The following ARHGAP17 variants were observed in gnomAD, a reference collection of about 807,000 sequenced individuals.
ARHGAP17 encodes the protein rho GTPase-activating protein 17.
Under a neutral mutation model 99.5 loss-of-function variants are expected in ARHGAP17, and 57 were observed. The observed-to-expected ratio is 0.57, with a 90% CI of 0.46 to 0.71. The LOEUF (loss-of-function observed/expected upper bound fraction) is 0.71, where lower values mean the gene tolerates loss of function less well. Ranked by LOEUF, ARHGAP17 falls within the 30% of genes least tolerant of loss-of-function variation. The probability of loss-of-function intolerance (pLI) is 0.00; values close to 1 mark genes in which losing one functional copy is unlikely to be tolerated. For missense variants in ARHGAP17, 1,000 were observed against 1,122.4 expected (o/e 0.89, Z 1.56); for synonymous variants, 417 against 429.6 (o/e 0.97, Z 0.36).
intron 4 of ARHGAP17, 34 bp from the exon 5 acceptor site, chr16:24,968,806 G>C: frequency 1.9e-6 from 3 of 1,603,154 alleles, no homozygotes; most frequent in South Asian, 2.2e-5. Flanking sequence ...ACGAGCACGT[G>C]CTCATTAAAT....
At chr16:24,977,564 C>T in intron 2 of ARHGAP17, 1 of 231,922 alleles carries the variant, frequency 4.3e-6, no homozygotes, top group Non-Finnish European at 6.8e-6. Context: ...TGGAAAAAAC[C>T]AGAGATGCCA....
intron 17 of ARHGAP17, among the ~76,000 whole-genome samples, chr16:24,937,810 ATC>A (rs1431479144): frequency 3.3e-5 from 5 of 152,348 alleles, no homozygotes; most frequent in African/African-American, 1.2e-4. Flanking sequence ...AGGCAAATTC[ATC>A]TCTCTGTGTG....
intron 2 of ARHGAP17, 56 bp from the exon 3 acceptor site, chr16:24,977,375 G>T: frequency 1.4e-6 from 2 of 1,416,626 alleles, no homozygotes; most frequent in Non-Finnish European, 1.9e-6. Context: ...TGTGGTGTCT[G>T]CATGCTGGTA....
intron 1 of ARHGAP17, among the ~76,000 whole-genome samples, chr16:24,984,901 A>G (rs571806054): frequency 1.4e-4 from 21 of 152,190 alleles, no homozygotes; most frequent in Non-Finnish European, 2.6e-4. Context: ...AATAAAAAAA[A>G]AATGTCTGTA....
chr16:25,014,616 G>C (rs1409109119), intron 1 of ARHGAP17, among the ~76,000 whole-genome samples: 1 of 152,182 alleles, frequency 6.6e-6, no homozygotes, highest in Non-Finnish European at 1.5e-5. Context: ...CAGTTCCTAG[G>C]AGCCCTGGTT....
intron 15 of ARHGAP17, 49 bp downstream of exon 15, chr16:24,943,722 A>G (rs768147143): frequency 7.2e-6 from 11 of 1,520,538 alleles, no homozygotes; most frequent in Admixed American, 6.8e-5. Flanking sequence ...GACTTTTTGT[A>G]CGATTATCAC....
At chr16:24,925,583 T>C (rs2050818603) in intron 19 of ARHGAP17, among the ~76,000 whole-genome samples, 1 of 152,180 alleles carries the variant, frequency 6.6e-6, no homozygotes, top group Non-Finnish European at 1.5e-5. Flanking sequence ...ACAATTCTGA[T>C]TATCTACTTA....
chr16:24,997,543 T>G (rs1367588131), intron 1 of ARHGAP17, among the ~76,000 whole-genome samples: 1 of 152,058 alleles, frequency 6.6e-6, no homozygotes, highest in Admixed American at 6.6e-5. Context: ...TGCTGCCGGG[T>G]AGGGAAGCCA....
At chr16:24,988,836 A>G (rs1408694550) in intron 1 of ARHGAP17, among the ~76,000 whole-genome samples, 1 of 152,124 alleles carries the variant, frequency 6.6e-6, no homozygotes, top group Non-Finnish European at 1.5e-5. Flanking sequence ...TTCTGCCACC[A>G]ACCACCTCAA....
chr16:24,999,040 C>T (rs562547174), intron 1 of ARHGAP17, among the ~76,000 whole-genome samples: 27 of 152,352 alleles, frequency 1.8e-4, no homozygotes, highest in Admixed American at 5.2e-4. Context: ...CCACCGCCAT[C>T]ACAGGACACA....
At chr16:24,965,823 A>G (rs2052162767) in intron 6 of ARHGAP17, among the ~76,000 whole-genome samples, 1 of 152,242 alleles carries the variant, frequency 6.6e-6, no homozygotes, top group African/African-American at 2.4e-5. Context: ...GAAAAGCGAG[A>G]AAAATATGTG....
intron 14 of ARHGAP17, among the ~76,000 whole-genome samples, chr16:24,945,361 G>A (rs1324713329): frequency 6.7e-6 from 1 of 149,010 alleles, no homozygotes; most frequent in African/African-American, 2.6e-5. Flanking sequence ...AGAAGAAGAA[G>A]AAAAAAGTAA....
chr16:24,930,528 G>C (rs556817253), intron 19 of ARHGAP17, among the ~76,000 whole-genome samples: 2 of 152,166 alleles, frequency 1.3e-5, no homozygotes, highest in Non-Finnish European at 2.9e-5. Context: ...AACTTTGTGG[G>C]CCACAGGATC....
intron 19 of ARHGAP17, among the ~76,000 whole-genome samples, chr16:24,926,042 G>A (rs143309842): frequency 0.066 from 9,896 of 150,192 alleles, 1,076 homozygotes; most frequent in African/African-American, 0.23. Context: ...CCCAGGAGGC[G>A]GAGCTTGCAG....
chr16:24,970,650 C>A, intron 3 of ARHGAP17, 70 bp from the exon 4 acceptor site: 1 of 1,422,084 alleles, frequency 7.0e-7, no homozygotes, highest in Non-Finnish European at 9.9e-7. Context: ...TTTTTCAGAT[C>A]ATCATTCATT....
intron 1 of ARHGAP17, among the ~76,000 whole-genome samples, chr16:25,014,286 C>T (rs1331016670): frequency 2.6e-5 from 4 of 152,188 alleles, no homozygotes; most frequent in Non-Finnish European, 5.9e-5. Context: ...AACACTAAAT[C>T]GGTACAGTAC....
chr16:24,931,891 G>A (rs961684084), intron 18 of ARHGAP17, among the ~76,000 whole-genome samples: 4 of 152,138 alleles, frequency 2.6e-5, no homozygotes, highest in African/African-American at 7.2e-5. Flanking sequence ...CAAAGCAGGC[G>A]GATCACTTGA....
At chr16:24,923,479 A>G (rs141280939) in intron 19 of ARHGAP17, among the ~76,000 whole-genome samples, 88 of 152,228 alleles carry the variant, frequency 5.8e-4, no homozygotes, top group African/African-American at 2.0e-3. Flanking sequence ...AAAAAAACAA[A>G]ATAGGCTGGG....
At position 24,968,803 on chromosome 16, in the gene ARHGAP17, C is replaced by T. The variant is rs377497796; in HGVS notation, c.273-31G>A. 1.3e-5 allele frequency: 21 copies of T among 1,606,624 alleles called. No homozygotes were observed. The African/African-American group carries it at 1.5e-4, about 11-fold the overall frequency. ...AAAACAAGACCCCCAACAACGAGCA[C>T]GTGCTCATTAAATCAGGCACTGGAT... On this transcript the variant is annotated intron_variant, in intron 4 of 19. Coordinates refer to ENST00000289968, the MANE Select transcript of ARHGAP17 (RefSeq NM_001006634.3).
Sources: gnomAD v4.1 joint callset for allele counts (sites outside exome capture counted in the v4.1 genomes callset) on GRCh38, gnomAD v4.1.1 for gene constraint, MANE v1.5 for transcripts, NCBI Gene and HGNC (gene_info 2026-07-23, HGNC 2026-07-21) for gene names.